SLC26A4: variants seen among roughly 807,000 people sequenced by gnomAD.
The protein encoded by SLC26A4 is solute carrier family 26 member 4.
In SLC26A4, 93 loss-of-function variants were observed where a neutral mutation model predicts 90.4. The ratio of observed to expected loss-of-function variants is 1.03; its 90% confidence interval spans 0.87 to 1.22. SLC26A4 has a LOEUF of 1.22. Among genes scored for constraint, SLC26A4 ranks in the 50% most tolerant of loss-of-function variants. The probability of loss-of-function intolerance (pLI) is 0.00; values close to 1 mark genes in which losing one functional copy is unlikely to be tolerated. For missense variants in SLC26A4, 1,127 were observed against 946.2 expected (o/e 1.19, Z -2.51); for synonymous variants, 393 against 354.6 (o/e 1.11, Z -1.22).
chr7:107,703,599 T>C (rs1443242294), intron 17 of SLC26A4, among the ~76,000 whole-genome samples: 1 of 152,202 alleles, frequency 6.6e-6, no homozygotes, highest in Non-Finnish European at 1.5e-5. Flanking sequence ...TGAATTACTT[T>C]TGGGGACAGT....
intron 2 of SLC26A4, chr7:107,662,038 T>G (rs565244769): frequency 1.7e-6 from 1 of 582,608 alleles, no homozygotes; most frequent in Admixed American, 3.1e-5. Context: ...GAAACTCGCC[T>G]TTGGGGAGAG....
intron 3 of SLC26A4, among the ~76,000 whole-genome samples, chr7:107,666,078 A>C (rs1330174391): frequency 6.6e-6 from 1 of 152,260 alleles, no homozygotes; most frequent in African/African-American, 2.4e-5. Context: ...ACAGGTGCTG[A>C]CTTCATGGAG....
Position 107,688,832 on chromosome 7 carries a change from A to G in SLC26A4, c.1002-221A>G, listed in dbSNP as rs138779009. ...AGAAGAGTCAGCATGGCTAGGCTCA[A>G]AAATAGAGGACAAAGAAATCAGCCA... is the stretch of plus-strand genomic sequence containing the variant. On this transcript the variant is annotated intron_variant, in intron 8 of 20. Coordinates refer to ENST00000644269, the MANE Select transcript of SLC26A4 (RefSeq NM_000441.2). Among the ~76,000 whole-genome samples the G allele has an allele frequency of 5.1e-4, 78 of 152,358 alleles. 1 individual carries two copies. The highest frequency in any genetic ancestry group is 1.8e-3 in the African/African-American group (75 of 41,596).
intron 6 of SLC26A4, among the ~76,000 whole-genome samples, chr7:107,680,295 T>A (rs1158632707): frequency 9.7e-6 from 1 of 103,104 alleles, no homozygotes; most frequent in African/African-American, 4.8e-5. Context: ...CTTATCTTAT[T>A]ATATAATATA....
chr7:107,702,623 A>C (rs1422980896), intron 17 of SLC26A4, among the ~76,000 whole-genome samples: 4 of 141,372 alleles, frequency 2.8e-5, no homozygotes, highest in Non-Finnish European at 6.1e-5. Context: ...CGGGAGGTGG[A>C]GGTTGCAGCT....
At chr7:107,700,051 ATTT>A in intron 14 of SLC26A4, 29 bp from the exon 15 acceptor site, 2 of 1,223,118 alleles carry the variant, frequency 1.6e-6, no homozygotes, top group South Asian at 2.4e-5. Context: ...GCTTGAAATT[ATTT>A]AATCCCAGAC....
At chr7:107,672,903 A>G (rs1402298395) in intron 4 of SLC26A4, among the ~76,000 whole-genome samples, 3 of 152,228 alleles carry the variant, frequency 2.0e-5, no homozygotes, top group African/African-American at 7.2e-5. Flanking sequence ...TGACATTTAT[A>G]CTAGAGAAAA....
Position 107,664,055 on chromosome 7 carries a change from AAAAAG to A in SLC26A4, c.304+624_304+628del, listed in dbSNP as rs1481706047. On this transcript the variant is annotated intron_variant, in intron 3 of 20. Transcript: ENST00000644269. Reference sequence around the variant, plus strand: ...AGTTTCAAGTCAAGATTTAAAAAAAAAAAAGAAATGTGTTACATCCTGATATATAC... The same window carrying A: ...AGTTTCAAGTCAAGATTTAAAAAAAAAAATGTGTTACATCCTGATATATAC... Among the ~76,000 whole-genome samples the A allele has an allele frequency of 5.9e-5, 9 of 152,358 alleles. No homozygotes were observed. In the South Asian group the frequency reaches 8.3e-4, roughly 14 times the overall value.
chr7:107,691,730 T>G, intron 10 of SLC26A4: 1 of 878,682 alleles, frequency 1.1e-6, no homozygotes, highest in Non-Finnish European at 1.4e-6. Context: ...GTTTTTTGGC[T>G]GCTTTTCAAC....
rs1018852142 is a variant in SLC26A4 at position 107,661,263 on chromosome 7, C to G, written c.-3-376C>G. The G allele has an allele frequency of 2.5e-5, 8 of 323,392 alleles. No homozygotes were observed. The highest frequency in any genetic ancestry group is 4.6e-5 in the Non-Finnish European group (8 of 172,152). The allele number at this position is 323,392 out of a possible 1,614,324, so 20.0% of individuals were successfully genotyped here. A position where few individuals can be genotyped will look rare whatever the true frequency, so the allele number is the denominator to read the frequency against. Reference sequence around the variant, plus strand: ...CTTCCAGCCTTGCAAGCGCCTTTGGCCCCTGCCCCAGCCCCTCGGTTTGGG... The same window carrying G: ...CTTCCAGCCTTGCAAGCGCCTTTGGGCCCTGCCCCAGCCCCTCGGTTTGGG... On this transcript the variant is annotated intron_variant, in intron 1 of 20. Transcript: ENST00000644269. This position sits in a 1 kb window ranked among gnomAD's most constrained non-coding sequence, Gnocchi z 5.1.
intron 10 of SLC26A4, chr7:107,691,972 T>G: frequency 7.8e-7 from 1 of 1,288,542 alleles, no homozygotes; most frequent in Non-Finnish European, 1.0e-6. Flanking sequence ...TGACAAGCTC[T>G]CCAGAGCACA....
At position 107,712,594 on chromosome 7, in the gene SLC26A4, C is replaced by A; in HGVS notation, c.2291C>A (p.Thr764Lys). Residue 764 changes from threonine (T) to lysine (K), a missense_variant, in exon 20 of 21, where the codon ACG becomes AAG. By Grantham distance (78) the Thr-to-Lys change is moderately conservative. Transcript: ENST00000644269. ...CTTGAATTAATAGAAACAGAGCTGA[C>A]GGAAGAAGAACTTGATGTCCAGGAT... ...DTLELIETEL[T>K]EEELDVQDEA... 1.3e-6 allele frequency: 2 copies of A among 1,585,752 alleles called. No homozygotes were observed. Among genetic ancestry groups the A allele is most frequent in the East Asian group, 4.5e-5 (2 of 44,734 alleles).
intron 3 of SLC26A4, among the ~76,000 whole-genome samples, chr7:107,663,995 T>A (rs1357472569): frequency 2.6e-5 from 4 of 152,110 alleles, no homozygotes; most frequent in Non-Finnish European, 5.9e-5. Flanking sequence ...CTTCTCTATT[T>A]TCATTGACCA....
intron 3 of SLC26A4, among the ~76,000 whole-genome samples, chr7:107,668,396 A>G (rs1790775606): frequency 6.6e-6 from 1 of 152,288 alleles, no homozygotes; most frequent in Non-Finnish European, 1.5e-5. Context: ...TCTGCAGTAG[A>G]TGAGCTGGAA....
chr7:107,669,508 T>C (rs915200822), intron 3 of SLC26A4, among the ~76,000 whole-genome samples: 1 of 152,338 alleles, frequency 6.6e-6, no homozygotes, highest in Middle Eastern at 3.4e-3. Context: ...CTCCTTCTTT[T>C]CTTATCTTCC....
At chr7:107,691,063 G>C (rs1376709786) in intron 10 of SLC26A4, among the ~76,000 whole-genome samples, 3 of 150,414 alleles carry the variant, frequency 2.0e-5, no homozygotes, top group African/African-American at 7.3e-5. Flanking sequence ...AGTAAGAAGT[G>C]CATTGAGACT....
At chr7:107,695,796 G>A in intron 12 of SLC26A4, 137 bp from the exon 13 acceptor site, 2 of 661,216 alleles carry the variant, frequency 3.0e-6, no homozygotes, top group Non-Finnish European at 5.5e-6. Context: ...CTGGGCAATA[G>A]AGTGTGACCC....
At chr7:107,686,294 A>ACCTTCCCTCCCTTCCCTCCCTTCCCTC (rs143524153) in intron 8 of SLC26A4, among the ~76,000 whole-genome samples, 10 of 107,030 alleles carry the variant, frequency 9.3e-5, no homozygotes, top group African/African-American at 3.4e-4. Context: ...TCCCTTTCCT[A>ACCTTCCCTCCCTTCCCTCCCTTCCCTC]CCTTCCCTCC....
chr7:107,710,304 C>A, intron 19 of SLC26A4, 105 bp downstream of exon 19: 1 of 855,246 alleles, frequency 1.2e-6, no homozygotes, highest in Admixed American at 2.0e-5. Flanking sequence ...TTTTAAGCTA[C>A]CTATATAACT....
Sources: gnomAD v4.1 joint callset for allele counts (sites outside exome capture counted in the v4.1 genomes callset) on GRCh38, gnomAD v4.1.1 for gene constraint, Gnocchi (gnomAD v3.1) non-coding constraint, MANE v1.5 for transcripts, NCBI Gene and HGNC (gene_info 2026-07-23, HGNC 2026-07-21) for gene names.